The following COBLL1 variants were observed in gnomAD, a reference collection of about 807,000 sequenced individuals.
The protein encoded by COBLL1 is cordon-bleu protein-like 1.
COBLL1 carries 50 observed loss-of-function variants against 94.8 expected under a neutral mutation model. The observed-to-expected ratio is 0.53, with a 90% CI of 0.42 to 0.67. COBLL1 has a LOEUF of 0.67. Among genes scored for constraint, COBLL1 ranks in the 30% least tolerant of loss-of-function variants. The pLI is 0.00. For synonymous variants in COBLL1, 448 were observed against 473.8 expected (o/e 0.95, Z 0.71); for missense variants, 1,362 against 1,348.7 (o/e 1.01, Z -0.15).
At chr2:164,812,468 G>GA (rs1192136982) in intron 2 of COBLL1, among the ~76,000 whole-genome samples, 1 of 151,756 alleles carries the variant, frequency 6.6e-6, no homozygotes, top group Non-Finnish European at 1.5e-5. Flanking sequence ...TAAATTTCTA[G>GA]AAAAAAAGTC....
intron 1 of COBLL1, among the ~76,000 whole-genome samples, chr2:164,666,671 T>A (rs1378449394): frequency 6.6e-6 from 1 of 152,250 alleles, no homozygotes; most frequent in Non-Finnish European, 1.5e-5. Context: ...CAACTAAGTT[T>A]GTGTAATATC....
chr2:164,695,723 T>C lies in COBLL1; in HGVS notation c.1669A>G (p.Met557Val), dbSNP rs145390469. 1.8e-5 allele frequency: 29 copies of C among 1,613,872 alleles called. No individual in the cohort carries two copies. In the African/African-American group the frequency reaches 3.5e-4, roughly 19 times the overall value. ...GAGTTTGATGGTCTCTCAACTTCCATATCAATGTTGTTATTTTTGGCAACA... is the reference window on the plus strand; with the variant it reads ...GAGTTTGATGGTCTCTCAACTTCCACATCAATGTTGTTATTTTTGGCAACA... ...EGVAKNNNID[M>V]EVERPSNSEA... The change falls in exon 12 of 14, where the codon ATG (methionine) becomes GTG (valine). Residue 557 changes from methionine to valine, a missense_variant. Coordinates refer to ENST00000652658, the MANE Select transcript of COBLL1 (RefSeq NM_001365672.2).
intron 2 of COBLL1, among the ~76,000 whole-genome samples, chr2:164,829,949 T>C (rs918272394): frequency 2.0e-5 from 3 of 152,158 alleles, no homozygotes; most frequent in Non-Finnish European, 4.4e-5. Context: ...ATGTTTGACA[T>C]AGGTCCATAT....
intron 7 of COBLL1, among the ~76,000 whole-genome samples, chr2:164,719,082 T>G (rs1685319955): frequency 6.6e-6 from 1 of 151,980 alleles, no homozygotes; most frequent in South Asian, 2.1e-4. Context: ...CAAAGACACA[T>G]TAAGTACTGG....
chr2:164,771,132 AAACT>A (rs1490899061), intron 2 of COBLL1, among the ~76,000 whole-genome samples: 2 of 152,062 alleles, frequency 1.3e-5, no homozygotes, highest in Non-Finnish European at 2.9e-5. Flanking sequence ...CTCAAAAGCA[AAACT>A]AATTCTATGT....
chr2:164,783,255 A>G (rs1688795116), intron 2 of COBLL1, among the ~76,000 whole-genome samples: 1 of 151,344 alleles, frequency 6.6e-6, no homozygotes, highest in Non-Finnish European at 1.5e-5. Flanking sequence ...TAAATATTAG[A>G]AAAAAAAATT....
chr2:164,831,066 T>C (rs1559057154), intron 2 of COBLL1, among the ~76,000 whole-genome samples: 1 of 152,220 alleles, frequency 6.6e-6, no homozygotes, highest in Non-Finnish European at 1.5e-5. Context: ...CTCATGCCTA[T>C]AATCCCAGCA....
chr2:164,838,919 T>C (rs1466166806), intron 2 of COBLL1, among the ~76,000 whole-genome samples: 1 of 152,138 alleles, frequency 6.6e-6, no homozygotes. Flanking sequence ...TAGATATTTT[T>C]CCCCCAGTTT....
rs374114733 is a variant in COBLL1 at position 164,671,167 on chromosome 2, A to G, written n.127-5266T>C. Among the ~76,000 whole-genome samples, 38 of 152,182 alleles carry G rather than the reference A, an allele frequency of 2.5e-4. 1 individual carries two copies. The highest frequency in any genetic ancestry group is 8.4e-4 in the African/African-American group (35 of 41,434). On this transcript the variant is annotated intron_variant and non_coding_transcript_variant, in intron 1 of 2. Coordinates refer to the COBLL1 transcript ENST00000495084. ...TCATCACTCCCAATTCTCAGAAGTAAAAGGCATGCAGTAATCTATTATTAG... is the reference window on the plus strand; with the variant it reads ...TCATCACTCCCAATTCTCAGAAGTAGAAGGCATGCAGTAATCTATTATTAG...
chr2:164,721,793 C>T (rs1685457027), intron 7 of COBLL1: 1 of 195,918 alleles, frequency 5.1e-6, no homozygotes, highest in Admixed American at 5.8e-5. Flanking sequence ...TAAACCAAGA[C>T]TTTAGGTTTT....
At chr2:164,765,864 T>A (rs575432949) in intron 2 of COBLL1, among the ~76,000 whole-genome samples, 3 of 152,314 alleles carry the variant, frequency 2.0e-5, no homozygotes, top group Admixed American at 2.0e-4. Context: ...CTGGAAGATC[T>A]CTGAAGTTCT....
At chr2:164,753,857 T>C (rs1383051558) in intron 2 of COBLL1, among the ~76,000 whole-genome samples, 2 of 151,034 alleles carry the variant, frequency 1.3e-5, no homozygotes, top group African/African-American at 4.9e-5. Flanking sequence ...TTCTCGTGCC[T>C]CAGCCTCCTG....
intron 2 of COBLL1, among the ~76,000 whole-genome samples, chr2:164,797,766 A>G (rs1683543743): frequency 6.6e-6 from 1 of 152,210 alleles, no homozygotes; most frequent in Non-Finnish European, 1.5e-5. Context: ...CCCACTTTTG[A>G]AAAAGCAAGT....
At chr2:164,835,077 A>T (rs928223602) in intron 2 of COBLL1, among the ~76,000 whole-genome samples, 2 of 152,108 alleles carry the variant, frequency 1.3e-5, no homozygotes, top group African/African-American at 4.8e-5. Flanking sequence ...AAACAAAACA[A>T]AAAAAGAACA....
At chr2:164,829,594 C>T (rs1682961537) in intron 2 of COBLL1, among the ~76,000 whole-genome samples, 1 of 151,842 alleles carries the variant, frequency 6.6e-6, no homozygotes, top group Admixed American at 6.6e-5. Context: ...AATACATAAG[C>T]AGATCACAAA....
At chr2:164,696,526 T>C (rs959699480) in intron 11 of COBLL1, 8 of 152,190 alleles carry the variant, frequency 5.3e-5, no homozygotes, top group African/African-American at 1.9e-4. Flanking sequence ...TCAGTCATAA[T>C]GGTTTTGATT....
chr2:164,698,842 A>G (rs1684087675), intron 11 of COBLL1, among the ~76,000 whole-genome samples: 1 of 152,062 alleles, frequency 6.6e-6, no homozygotes, highest in Admixed American at 6.6e-5. Flanking sequence ...GACAAAGACA[A>G]CATGAATATA....
intron 1 of COBLL1, among the ~76,000 whole-genome samples, chr2:164,671,467 T>C (rs1691240254): frequency 6.6e-6 from 1 of 152,176 alleles, no homozygotes; most frequent in African/African-American, 2.4e-5. Flanking sequence ...CTCATAATAT[T>C]ACTTCAACTA....
chr2:164,744,837 C>T (rs893171287), intron 2 of COBLL1, among the ~76,000 whole-genome samples: 6 of 152,080 alleles, frequency 3.9e-5, no homozygotes, highest in African/African-American at 1.4e-4. Context: ...CTAAGACAAC[C>T]TCTTAACTAA....
Sources: gnomAD v4.1 joint callset for allele counts (sites outside exome capture counted in the v4.1 genomes callset) on GRCh38, gnomAD v4.1.1 for gene constraint, MANE v1.5 for transcripts, NCBI Gene and HGNC (gene_info 2026-07-23, HGNC 2026-07-21) for gene names.